Variants in SLC9B1 observed in about 807,000 individuals in gnomAD.
The protein encoded by SLC9B1 is solute carrier family 9 member B1.
Under a neutral mutation model 51.7 loss-of-function variants are expected in SLC9B1, and 32 were observed. The observed-to-expected ratio is 0.62, with a 90% CI of 0.47 to 0.83. The LOEUF (loss-of-function observed/expected upper bound fraction) is 0.83, where lower values mean the gene tolerates loss of function less well. SLC9B1 is among the 40% of genes least tolerant of loss of function. SLC9B1 has a pLI of 0.00. For synonymous variants in SLC9B1, 145 were observed against 212.7 expected (o/e 0.68, Z 2.77); for missense variants, 406 against 613.2 (o/e 0.66, Z 3.57).
chr4:102,887,110 G>C (rs17009211), intron 11 of SLC9B1, among the ~76,000 whole-genome samples: 2,794 of 152,206 alleles, frequency 0.018, 80 homozygotes, highest in African/African-American at 0.061. Context: ...CACTCATATG[G>C]ACTCATTCAT....
intron 7 of SLC9B1, among the ~76,000 whole-genome samples, chr4:102,917,771 T>A (rs1322721717): frequency 1.3e-5 from 2 of 151,794 alleles, no homozygotes; most frequent in East Asian, 3.9e-4. Flanking sequence ...AAGGAAATAA[T>A]AAAGTCTAGA....
chr4:102,955,899 A>AAGAAAGAG (rs199714147), intron 3 of SLC9B1, among the ~76,000 whole-genome samples: 1,582 of 107,574 alleles, frequency 0.015, 20 homozygotes, highest in South Asian at 0.045. Context: ...GAAAGAAAGA[A>AAGAAAGAG]AGAGAGAGAA....
At chr4:102,975,584 A>ATTTTTTTTTTTTTTTTTTT (rs1466561136) in intron 3 of SLC9B1, among the ~76,000 whole-genome samples, 2 of 80,178 alleles carry the variant, frequency 2.5e-5, no homozygotes, top group African/African-American at 5.5e-5. Flanking sequence ...ATATATATAT[A>ATTTTTTTTTTTTTTTTTTT]TATTTTTTTT....
Position 102,991,682 on chromosome 4 carries a change from A to G in SLC9B1, c.30T>C (p.His10=), listed in dbSNP as rs896364418. The part of the protein sequence containing the change: MHTTESKNE[H]LEDENFQTST... ...ATGTTTGGAAGTTTTCATCCTCCAA[A>G]TGTTCATTTTTTGATTCTGTGGTAT... Residue 10 remains histidine (H), a synonymous_variant, in exon 2 of 12, where the codon CAT becomes CAC. Coordinates refer to ENST00000296422, the MANE Select transcript of SLC9B1 (RefSeq NM_139173.4). 6.3e-7 allele frequency: 1 copy of G among 1,589,936 alleles called. No homozygotes were observed. The highest frequency in any genetic ancestry group is 8.6e-7 in the Non-Finnish European group (1 of 1,166,356).
At chr4:102,920,265 A>G (rs1735797179) in intron 7 of SLC9B1, among the ~76,000 whole-genome samples, 1 of 152,204 alleles carries the variant, frequency 6.6e-6, no homozygotes, top group Non-Finnish European at 1.5e-5. Context: ...TCAGGCAAAC[A>G]GGGTCTGGAG....
At chr4:102,941,678 A>AG (rs1737008851) in intron 6 of SLC9B1, among the ~76,000 whole-genome samples, 4 of 147,630 alleles carry the variant, frequency 2.7e-5, no homozygotes, top group African/African-American at 7.5e-5. Context: ...AGAGAGAGAG[A>AG]AAGAAAAACC....
chr4:102,898,139 C>T (rs753481665), downstream of SLC9B1: 124 of 502,942 alleles, frequency 2.5e-4, 1 homozygote, highest in Middle Eastern at 0.01. Context: ...CAGAGCCTCG[C>T]TGTACTAAGG....
At chr4:102,977,310 A>G (rs1347143284) in intron 3 of SLC9B1, among the ~76,000 whole-genome samples, 1 of 151,524 alleles carries the variant, frequency 6.6e-6, no homozygotes. Context: ...AAAAAAAAAA[A>G]AAAAAACAGA....
chr4:103,015,381 T>C (rs1741265718), intron 1 of SLC9B1, among the ~76,000 whole-genome samples: 1 of 151,896 alleles, frequency 6.6e-6, no homozygotes, highest in Non-Finnish European at 1.5e-5. Context: ...TGTTTCACAG[T>C]AAAATGGTAA....
At chr4:102,911,305 G>A in intron 8 of SLC9B1, 126 bp downstream of exon 8, 1 of 634,786 alleles carries the variant, frequency 1.6e-6, no homozygotes. Flanking sequence ...TAAGTACAGA[G>A]TAGGCATTGG....
intron 3 of SLC9B1, among the ~76,000 whole-genome samples, chr4:102,966,787 G>T (rs1487152825): frequency 6.6e-6 from 1 of 152,110 alleles, no homozygotes; most frequent in Non-Finnish European, 1.5e-5. Context: ...TGCACCCTTG[G>T]ATTCCTCTCC....
downstream of SLC9B1, among the ~76,000 whole-genome samples, chr4:102,900,051 C>T (rs1269508251): frequency 6.6e-6 from 1 of 152,122 alleles, no homozygotes. Context: ...AATTGCTTCA[C>T]TTGGCAAATT....
At chr4:102,955,035 T>C (rs113958610) in intron 3 of SLC9B1, among the ~76,000 whole-genome samples, 3 of 152,272 alleles carry the variant, frequency 2.0e-5, no homozygotes, top group South Asian at 2.1e-4. Flanking sequence ...TTGGGTAGGA[T>C]TGGTAAAAGT....
At chr4:102,946,523 C>T (rs1316216336) in intron 5 of SLC9B1, 124 bp downstream of exon 5, 10 of 1,107,354 alleles carry the variant, frequency 9.0e-6, no homozygotes, top group Non-Finnish European at 1.1e-5. Flanking sequence ...GCCTTTTTTT[C>T]TTTATCTTAG....
At chr4:102,960,853 C>T (rs1240164531) in intron 3 of SLC9B1, among the ~76,000 whole-genome samples, 2 of 151,964 alleles carry the variant, frequency 1.3e-5, no homozygotes, top group Non-Finnish European at 2.9e-5. Flanking sequence ...CTGCCTCAGC[C>T]TCCCGAGTAG....
Position 102,989,816 on chromosome 4 carries a change from A to G in SLC9B1, c.195T>C (p.Asn65=), listed in dbSNP as rs367741966. 5 of 1,584,160 alleles carry G rather than the reference A, an allele frequency of 3.2e-6. No individual in the cohort carries two copies. In the African/African-American group the frequency reaches 5.4e-5, roughly 17 times the overall value. The change falls in exon 3 of 12, where the codon AAT becomes AAC. Residue 65 remains asparagine, a synonymous_variant. Coordinates refer to ENST00000296422, the MANE Select transcript of SLC9B1 (RefSeq NM_139173.4). ...TTCACATACCATTTGTAATAATTAC[A>G]TTCAATACTCCTCTTAGAGGACAAG... is the stretch of plus-strand genomic sequence containing the variant. The part of the protein sequence containing the change: ...YISCPLRGVL[N]VIITNGVILF...
At chr4:102,974,011 G>A (rs374464209) in intron 3 of SLC9B1, among the ~76,000 whole-genome samples, 32 of 152,008 alleles carry the variant, frequency 2.1e-4, no homozygotes, top group East Asian at 7.7e-4. Context: ...CAAGGCGGGC[G>A]GATTACCTGA....
intron 3 of SLC9B1, among the ~76,000 whole-genome samples, chr4:102,971,419 A>C (rs181045183): frequency 6.6e-6 from 1 of 152,334 alleles, no homozygotes; most frequent in African/African-American, 2.4e-5. Flanking sequence ...AGGCAGAAAT[A>C]AAGATGTTCT....
chr4:102,943,498 T>C (rs1209384422), intron 6 of SLC9B1, among the ~76,000 whole-genome samples: 1 of 91,340 alleles, frequency 1.1e-5, no homozygotes, highest in East Asian at 4.2e-4. Flanking sequence ...TGTATATATG[T>C]GTATGTATAC....
Sources: gnomAD v4.1 joint callset for allele counts (sites outside exome capture counted in the v4.1 genomes callset) on GRCh38, gnomAD v4.1.1 for gene constraint, MANE v1.5 for transcripts, NCBI Gene and HGNC (gene_info 2026-07-23, HGNC 2026-07-21) for gene names.